DOCK5: variants seen among roughly 807,000 people sequenced by gnomAD.
The protein encoded by DOCK5 is dedicator of cytokinesis protein 5.
A neutral mutation model predicts 251.8 loss-of-function variants in DOCK5; 142 were observed. The observed-to-expected ratio is 0.56, with a 90% CI of 0.49 to 0.65. DOCK5 has a LOEUF of 0.65. Among genes scored for constraint, DOCK5 ranks in the 30% least tolerant of loss-of-function variants. The pLI is 0.00. For missense variants in DOCK5, 2,111 were observed against 2,312.3 expected (o/e 0.91, Z 1.79); for synonymous variants, 842 against 835.5 (o/e 1.01, Z -0.13).
At chr8:25,205,342 G>A (rs1444311894) in intron 1 of DOCK5, among the ~76,000 whole-genome samples, 1 of 152,098 alleles carries the variant, frequency 6.6e-6, no homozygotes, top group Non-Finnish European at 1.5e-5. Context: ...CCTATAAGCC[G>A]GGAAGAGAGC....
At chr8:25,406,799 T>C (rs906165619) in intron 48 of DOCK5, among the ~76,000 whole-genome samples, 1 of 152,082 alleles carries the variant, frequency 6.6e-6, no homozygotes, top group African/African-American at 2.4e-5. Context: ...GGTGAAGTTT[T>C]ATATTCTTAG....
At chr8:25,297,497 A>G (rs1336020637) in intron 7 of DOCK5, among the ~76,000 whole-genome samples, 1 of 151,714 alleles carries the variant, frequency 6.6e-6, no homozygotes, top group Non-Finnish European at 1.5e-5. Context: ...CCTGTGATCC[A>G]CCTGCCTTGG....
chr8:25,273,113 C>T (rs1423493005), intron 3 of DOCK5, among the ~76,000 whole-genome samples: 1 of 152,016 alleles, frequency 6.6e-6, no homozygotes, highest in African/African-American at 2.4e-5. Context: ...GCAGAAGAAA[C>T]ACCCAGAGTT....
chr8:25,342,275 G>A (rs1805972069), intron 24 of DOCK5, 126 bp from the exon 25 acceptor site: 3 of 657,078 alleles, frequency 4.6e-6, no homozygotes, highest in African/African-American at 1.8e-5. Context: ...AAACTCTCAG[G>A]TCATTTTGTA....
At chr8:25,257,126 T>G (rs2117575228) in intron 2 of DOCK5, among the ~76,000 whole-genome samples, 1 of 152,146 alleles carries the variant, frequency 6.6e-6, no homozygotes, top group South Asian at 2.1e-4. Flanking sequence ...TTCAAAAAAA[T>G]AAGTAAAAAA....
intron 42 of DOCK5, among the ~76,000 whole-genome samples, chr8:25,391,571 C>T (rs914038775): frequency 1.3e-5 from 2 of 152,024 alleles, no homozygotes; most frequent in African/African-American, 4.8e-5. Flanking sequence ...TCAGAAAGTG[C>T]AGCCTGCAGT....
chr8:25,278,207 A>G (rs937809822), intron 4 of DOCK5, among the ~76,000 whole-genome samples: 3 of 152,122 alleles, frequency 2.0e-5, no homozygotes, highest in South Asian at 4.1e-4. Context: ...CAGCCTCCCA[A>G]ATGAAACAGC....
At chr8:25,391,415 C>T in intron 42 of DOCK5, among the ~76,000 whole-genome samples, 1 of 151,860 alleles carries the variant, frequency 6.6e-6, no homozygotes, top group East Asian at 2.0e-4. Flanking sequence ...GCGGGTGGAT[C>T]ACTTGAGGTC....
chr8:25,254,350 A>C (rs1803354477), intron 2 of DOCK5, among the ~76,000 whole-genome samples: 1 of 152,202 alleles, frequency 6.6e-6, no homozygotes, highest in African/African-American at 2.4e-5. Flanking sequence ...TAGATATAAC[A>C]CTGAAAACAC....
chr8:25,265,639 G>A (rs927361071), intron 2 of DOCK5, among the ~76,000 whole-genome samples: 14 of 151,768 alleles, frequency 9.2e-5, no homozygotes, highest in Non-Finnish European at 1.6e-4. Flanking sequence ...ACATTAGAGT[G>A]TAATCTTCAT....
chr8:25,360,484 G>A (rs1416236313), intron 28 of DOCK5, among the ~76,000 whole-genome samples: 3 of 152,182 alleles, frequency 2.0e-5, no homozygotes, highest in Admixed American at 6.5e-5. Context: ...ACAGGCAGGT[G>A]GTGTAGCGGG....
intron 5 of DOCK5, among the ~76,000 whole-genome samples, chr8:25,285,239 G>A (rs145199031): frequency 1.5e-3 from 228 of 152,200 alleles, no homozygotes; most frequent in African/African-American, 5.2e-3. Flanking sequence ...TCTGCCTCCA[G>A]GGTTCAAGCG....
chr8:25,268,910 A>G, intron 3 of DOCK5, 25 bp downstream of exon 3: 1 of 1,528,614 alleles, frequency 6.5e-7, no homozygotes, highest in South Asian at 1.2e-5. Flanking sequence ...TCACTTTTTA[A>G]TTTCATTTGA....
chr8:25,233,588 G>C (rs922469171), intron 1 of DOCK5, among the ~76,000 whole-genome samples: 3 of 152,128 alleles, frequency 2.0e-5, no homozygotes, highest in Non-Finnish European at 4.4e-5. Flanking sequence ...ACTGATGAGG[G>C]AACAGAAGCC....
rs1213554323 is a variant in DOCK5 at position 25,332,364 on chromosome 8, C to A, written c.2001+16C>A. ...GATTGTTAAGGTATGTTTATATATT[C>A]ATAGTTAGAAATACACATACCTACA... On this transcript the variant is annotated intron_variant, in intron 19 of 51. Coordinates refer to ENST00000276440, the MANE Select transcript of DOCK5 (RefSeq NM_024940.8). 1.4e-5 allele frequency: 22 copies of A among 1,591,184 alleles called. No homozygotes were observed. Among genetic ancestry groups the A allele is most frequent in the Admixed American group, 3.4e-5 (2 of 59,684 alleles).
chr8:25,405,766 A>G (rs951372932), intron 48 of DOCK5, among the ~76,000 whole-genome samples: 1 of 152,046 alleles, frequency 6.6e-6, no homozygotes, highest in South Asian at 2.1e-4. Flanking sequence ...ATGCCTTTCC[A>G]TATGTTCAAA....
At chr8:25,348,336 A>G (rs1297188738) in intron 26 of DOCK5, among the ~76,000 whole-genome samples, 1 of 151,922 alleles carries the variant, frequency 6.6e-6, no homozygotes, top group Admixed American at 6.6e-5. Context: ...GCCAAATTCT[A>G]CTCATTCTTT....
At chr8:25,338,548 A>T (rs1316961863) in intron 22 of DOCK5, among the ~76,000 whole-genome samples, 1 of 152,194 alleles carries the variant, frequency 6.6e-6, no homozygotes, top group African/African-American at 2.4e-5. Flanking sequence ...ATCTGGCTGA[A>T]TGACTGTCCC....
chr8:25,411,428 GC>G lies in DOCK5; in HGVS notation c.*133del. 1 of 1,232,472 alleles carries G rather than the reference GC, an allele frequency of 8.1e-7. No individual in the cohort carries two copies. Among genetic ancestry groups the G allele is most frequent in the South Asian group, 2.8e-5 (1 of 36,042 alleles). The allele number at this position is 1,232,472 out of a possible 1,614,324, so 76.3% of individuals were successfully genotyped here. A position where few individuals can be genotyped will look rare whatever the true frequency, so the allele number is the denominator to read the frequency against. ...TCCTGATCTGGGATGATGTTTACCA[GC>G]CCAAAACCAGTCATGTTCTTCCAAA... On this transcript the variant is annotated 3_prime_UTR_variant, in exon 52 of 52. Coordinates refer to ENST00000276440, the MANE Select transcript of DOCK5 (RefSeq NM_024940.8).
Sources: gnomAD v4.1 joint callset for allele counts (sites outside exome capture counted in the v4.1 genomes callset) on GRCh38, gnomAD v4.1.1 for gene constraint, MANE v1.5 for transcripts, NCBI Gene and HGNC (gene_info 2026-07-23, HGNC 2026-07-21) for gene names.